TDRD3: variants seen among roughly 807,000 people sequenced by gnomAD.
TDRD3 encodes the protein tudor domain-containing protein 3.
Under a neutral mutation model 86.7 loss-of-function variants are expected in TDRD3, and 45 were observed. The ratio of observed to expected loss-of-function variants is 0.52; its 90% CI spans 0.41 to 0.67. The LOEUF (loss-of-function observed/expected upper bound fraction) is 0.67, where lower values mean the gene tolerates loss of function less well. TDRD3 is among the 30% of genes least tolerant of loss of function. The pLI is 0.00. For synonymous variants in TDRD3, 298 were observed against 301.7 expected (o/e 0.99, Z 0.13); for missense variants, 814 against 889.0 (o/e 0.92, Z 1.07).
chr13:60,503,636 A>G (rs1377257670), intron 8 of TDRD3, among the ~76,000 whole-genome samples: 1 of 151,958 alleles, frequency 6.6e-6, no homozygotes, highest in African/African-American at 2.4e-5. Context: ...AAAGCAAGGT[A>G]TCCGGAAAGA....
chr13:60,422,509 T>A (rs1356517535), intron 1 of TDRD3, among the ~76,000 whole-genome samples: 4 of 152,032 alleles, frequency 2.6e-5, no homozygotes, highest in Non-Finnish European at 4.4e-5. Flanking sequence ...TTAAATTTAC[T>A]CCAACGAGCA....
intron 7 of TDRD3, among the ~76,000 whole-genome samples, chr13:60,493,495 C>G (rs1386378341): frequency 1.3e-5 from 2 of 151,892 alleles, no homozygotes; most frequent in Non-Finnish European, 2.9e-5. Context: ...AACCCCATCT[C>G]TACTAAAAAT....
intron 1 of TDRD3, among the ~76,000 whole-genome samples, chr13:60,401,048 A>G (rs192654100): frequency 3.8e-4 from 58 of 152,310 alleles, no homozygotes; most frequent in African/African-American, 9.1e-4. Context: ...TAAAGGGCTT[A>G]TTCTGAGGGG....
At chr13:60,452,575 G>T (rs1955574544) in intron 3 of TDRD3, among the ~76,000 whole-genome samples, 1 of 151,878 alleles carries the variant, frequency 6.6e-6, no homozygotes, top group African/African-American at 2.4e-5. Context: ...GTTGTATCTG[G>T]TTTCTTTCAT....
rs1594912422 is a variant in TDRD3, at chr13:60,421,823, C to T, written c.42-17865C>T. 6.6e-5 allele frequency among the ~76,000 whole-genome samples: 10 copies of T among 152,194 alleles called. No individual in the cohort carries two copies. In the South Asian group the frequency reaches 1.7e-3, roughly 25 times the overall value. On this transcript the variant is annotated intron_variant, in intron 1 of 13. Transcript: ENST00000377881. ...CCAAGGCAGACCTCGAAAAAAACTA[C>T]AGAAAAGCAGAGGAGAGATGCAAAT...
At chr13:60,447,822 T>G (rs1219896596) in intron 3 of TDRD3, among the ~76,000 whole-genome samples, 1 of 152,102 alleles carries the variant, frequency 6.6e-6, no homozygotes, top group African/African-American at 2.4e-5. Flanking sequence ...GCCCAGTATT[T>G]AAGAAGCAAA....
chr13:60,475,709 T>C (rs1956170065), intron 5 of TDRD3, among the ~76,000 whole-genome samples: 1 of 152,240 alleles, frequency 6.6e-6, no homozygotes, highest in Non-Finnish European at 1.5e-5. Flanking sequence ...CAGCATTGGT[T>C]GTTTTTTGAC....
chr13:60,396,337 G>C (rs899058719), upstream of TDRD3: 6 of 152,372 alleles, frequency 3.9e-5, no homozygotes, highest in South Asian at 2.1e-4. Context: ...AGCGCCTCTT[G>C]GGCCCGCGTA....
chr13:60,421,622 C>T (rs932037210), intron 1 of TDRD3, among the ~76,000 whole-genome samples: 1 of 152,166 alleles, frequency 6.6e-6, no homozygotes, highest in Non-Finnish European at 1.5e-5. Context: ...CCAAACTATA[C>T]GGATGACTTC....
intron 4 of TDRD3, among the ~76,000 whole-genome samples, chr13:60,465,593 T>G (rs1955901643): frequency 6.6e-6 from 1 of 152,178 alleles, no homozygotes; most frequent in Admixed American, 6.5e-5. Flanking sequence ...ATATGCAAAA[T>G]GTACAGAATA....
At chr13:60,467,940 C>T (rs1029178512) in intron 5 of TDRD3, among the ~76,000 whole-genome samples, 1 of 152,140 alleles carries the variant, frequency 6.6e-6, no homozygotes, top group African/African-American at 2.4e-5. Context: ...AGTCAAATCT[C>T]GTATCACTTC....
chr13:60,509,764 T>C lies in TDRD3; in HGVS notation c.860T>C (p.Val287Ala). ...AGCTTTTCTCTTTATTCCTTCCAGG[T>C]TGATGAGAAAGCTCTGAAGCACATA... ...GKHEGVYREL[V>A]DEKALKHITE... Residue 287 changes from valine to alanine, a missense_variant and splice_region_variant, in exon 9 of 14, where the codon GTT becomes GCT. By Grantham distance (64) the Val-to-Ala change is moderately conservative. Coordinates refer to ENST00000377881, the MANE Select transcript of TDRD3 (RefSeq NM_001146070.2). 1 of 1,613,622 alleles carries C rather than the reference T, an allele frequency of 6.2e-7. No individual in the cohort carries two copies. Among genetic ancestry groups the C allele is most frequent in the Non-Finnish European group, 8.5e-7 (1 of 1,179,604 alleles).
At chr13:60,454,883 C>T (rs1218617214) in intron 3 of TDRD3, among the ~76,000 whole-genome samples, 1 of 151,186 alleles carries the variant, frequency 6.6e-6, no homozygotes, top group African/African-American at 2.4e-5. Context: ...TTATTTTTTT[C>T]TCTCTTCCTA....
chr13:60,445,912 T>C (rs543707038), intron 3 of TDRD3, among the ~76,000 whole-genome samples: 4 of 152,194 alleles, frequency 2.6e-5, no homozygotes, highest in Non-Finnish European at 5.9e-5. Flanking sequence ...AGAATAGTAG[T>C]ACAGAGATTC....
chr13:60,407,530 A>G (rs1954263606), intron 1 of TDRD3, among the ~76,000 whole-genome samples: 1 of 152,204 alleles, frequency 6.6e-6, no homozygotes, highest in South Asian at 2.1e-4. Context: ...TACCTTGTTT[A>G]TAGAATTCAA....
chr13:60,485,659 T>C, intron 6 of TDRD3, 140 bp from the exon 7 acceptor site: 1 of 615,210 alleles, frequency 1.6e-6, no homozygotes, highest in Non-Finnish European at 2.4e-6. Flanking sequence ...CTTTTAAATA[T>C]ATGGGATAGA....
chr13:60,458,490 G>T (rs920551553), intron 3 of TDRD3, among the ~76,000 whole-genome samples: 4 of 152,144 alleles, frequency 2.6e-5, no homozygotes, highest in African/African-American at 9.7e-5. Context: ...GAATAAGGGT[G>T]CCATGGTTGC....
intron 13 of TDRD3, among the ~76,000 whole-genome samples, chr13:60,571,932 G>A (rs763145419): frequency 5.3e-5 from 8 of 152,138 alleles, no homozygotes; most frequent in Non-Finnish European, 2.9e-5. Context: ...TGAGACTTTA[G>A]GGGAGATAGA....
Position 60,472,253 on chromosome 13 carries a change from T to C in TDRD3, c.495+4874T>C, listed in dbSNP as rs114437123. On this transcript the variant is annotated intron_variant, in intron 5 of 13. Transcript: ENST00000377881. Reference sequence around the variant, plus strand: ...GGTCTCTAATGCTTTTTATATGGTATGGGATTCTGATTACTGGTTTTTCAT... The same window carrying C: ...GGTCTCTAATGCTTTTTATATGGTACGGGATTCTGATTACTGGTTTTTCAT... Among the ~76,000 whole-genome samples the C allele has an allele frequency of 7.3e-3, 1,118 of 152,282 alleles. 17 individuals are homozygous for C. The highest frequency in any genetic ancestry group is 0.025 in the African/African-American group (1,058 of 41,558).
Sources: allele counts gnomAD v4.1 joint callset (sites outside exome capture counted in the v4.1 genomes callset), GRCh38; gene constraint gnomAD v4.1.1; transcripts MANE v1.5; gene names NCBI Gene and HGNC (gene_info 2026-07-23, HGNC 2026-07-21).